Variants in SPATA22 observed in about 807,000 individuals in gnomAD.
The protein encoded by SPATA22 is spermatogenesis associated 22.
SPATA22 carries 29 observed loss-of-function variants against 47.8 expected under a neutral mutation model. The observed-to-expected ratio is 0.61, with a 90% CI of 0.45 to 0.83. The LOEUF is 0.83. Ranked by LOEUF, SPATA22 falls within the 40% of genes least tolerant of loss-of-function variation. The pLI is 0.00. For missense variants in SPATA22, 410 were observed against 421.7 expected (o/e 0.97, Z 0.24); for synonymous variants, 133 against 140.9 (o/e 0.94, Z 0.40).
In SPATA22 at chr17:3,457,957, G is replaced by A. The variant is rs2073034434; in HGVS notation, c.329+4526C>T. Among the ~76,000 whole-genome samples, 2 of 152,008 alleles carry A rather than the reference G, an allele frequency of 1.3e-5. 1 individual carries two copies. The highest frequency in any genetic ancestry group is 4.1e-4 in the South Asian group (2 of 4,820). On this transcript the variant is annotated intron_variant, in intron 5 of 8. Coordinates refer to ENST00000572969, the MANE Select transcript of SPATA22 (RefSeq NM_001170698.2). ...GACACCAAAAGCACAGTCAACAAAA[G>A]CAAAAGGAAATATTTGAGAACTACA...
At chr17:3,459,115 G>A (rs908983651) in intron 5 of SPATA22, among the ~76,000 whole-genome samples, 16 of 151,996 alleles carry the variant, frequency 1.1e-4, no homozygotes, top group African/African-American at 3.9e-4. Flanking sequence ...GTTACCAGGG[G>A]TGAAGAGGTG....
chr17:3,486,852 A>C (rs2073731396), intron 1 of SPATA22, among the ~76,000 whole-genome samples: 2 of 152,220 alleles, frequency 1.3e-5, no homozygotes, highest in South Asian at 4.1e-4. Flanking sequence ...TCCAAACCAA[A>C]AATTAATTTT....
At chr17:3,512,707 T>C (rs777383146) in intron 1 of SPATA22, 12 of 151,958 alleles carry the variant, frequency 7.9e-5, no homozygotes, top group Non-Finnish European at 1.8e-4. Context: ...TCCGTGTCAT[T>C]TCAGAAAGAG....
chr17:3,457,646 A>ATAGAG (rs60276192), intron 5 of SPATA22, among the ~76,000 whole-genome samples: 8,059 of 151,976 alleles, frequency 0.053, 684 homozygotes, highest in African/African-American at 0.18. Flanking sequence ...GATCAACAGA[A>ATAGAG]TAGAGAGCCC....
At chr17:3,460,633 GT>G (rs1002770755) in intron 5 of SPATA22, among the ~76,000 whole-genome samples, 1 of 151,212 alleles carries the variant, frequency 6.6e-6, no homozygotes, top group African/African-American at 2.4e-5. Flanking sequence ...TACTAAAAAT[GT>G]AAAAATAAGC....
At chr17:3,494,693 A>G (rs1597445999) in intron 1 of SPATA22, among the ~76,000 whole-genome samples, 1 of 152,202 alleles carries the variant, frequency 6.6e-6, no homozygotes, top group Non-Finnish European at 1.5e-5. Flanking sequence ...AATGGAATTT[A>G]TAGTGTAGGT....
At chr17:3,480,208 AG>A (rs1302968168) in intron 1 of SPATA22, among the ~76,000 whole-genome samples, 1 of 152,240 alleles carries the variant, frequency 6.6e-6, no homozygotes, top group Non-Finnish European at 1.5e-5. Context: ...CCACCCAGCA[AG>A]TTCTCCTCAT....
intron 1 of SPATA22, among the ~76,000 whole-genome samples, chr17:3,487,067 TGTGTGC>T (rs1260027867): frequency 7.0e-6 from 1 of 142,940 alleles, no homozygotes; most frequent in East Asian, 2.4e-4. Flanking sequence ...TTTATGTGTG[TGTGTGC>T]GTGTGTGTGT....
At chr17:3,460,951 T>A (rs989573190) in intron 5 of SPATA22, among the ~76,000 whole-genome samples, 1 of 152,198 alleles carries the variant, frequency 6.6e-6, no homozygotes, top group African/African-American at 2.4e-5. Context: ...TCATCCTTAC[T>A]AATCTTACTA....
intron 6 of SPATA22, among the ~76,000 whole-genome samples, chr17:3,448,011 T>C (rs2072766558): frequency 6.6e-6 from 1 of 152,150 alleles, no homozygotes; most frequent in African/African-American, 2.4e-5. Context: ...CCAGCACACA[T>C]AATATATAAA....
chr17:3,482,599 T>G (rs1342694429), intron 1 of SPATA22, among the ~76,000 whole-genome samples: 1 of 152,148 alleles, frequency 6.6e-6, no homozygotes, highest in Admixed American at 6.5e-5. Context: ...ATTGGTGTCA[T>G]AACAAACAAC....
chr17:3,508,988 T>A (rs575996621), intron 1 of SPATA22, among the ~76,000 whole-genome samples: 15 of 148,886 alleles, frequency 1.0e-4, no homozygotes, highest in Non-Finnish European at 3.0e-5. Context: ...GAACTGAATA[T>A]ACCTATGAAT....
At chr17:3,446,122 G>A (rs2072720660) in intron 7 of SPATA22, among the ~76,000 whole-genome samples, 1 of 152,050 alleles carries the variant, frequency 6.6e-6, no homozygotes, top group Non-Finnish European at 1.5e-5. Context: ...AGGGACCCTT[G>A]TGATTACATT....
At chr17:3,480,020 C>A (rs1233083090) in intron 1 of SPATA22, among the ~76,000 whole-genome samples, 1 of 144,650 alleles carries the variant, frequency 6.9e-6, no homozygotes, top group Non-Finnish European at 1.5e-5. Flanking sequence ...TCTGTACCTG[C>A]AAACTTGTGG....
chr17:3,491,123 T>C (rs2073817252), intron 1 of SPATA22, among the ~76,000 whole-genome samples: 3 of 152,192 alleles, frequency 2.0e-5, no homozygotes, highest in African/African-American at 7.2e-5. Context: ...GATAAAGACA[T>C]ATGCGACATG....
In SPATA22 at chr17:3,440,153, T is replaced by A; in HGVS notation, c.1086A>T (p.Glu362Asp). 1 of 1,546,426 alleles carries A rather than the reference T, an allele frequency of 6.5e-7. No individual in the cohort carries two copies. The highest frequency in any genetic ancestry group is 1.7e-4 in the Middle Eastern group (1 of 5,812). Residue 362 changes from glutamate to aspartate, a missense_variant, in exon 9 of 9, where the codon GAA becomes GAT. Coordinates refer to ENST00000572969, the MANE Select transcript of SPATA22 (RefSeq NM_001170698.2). Reference sequence around the variant, plus strand: ...AACTTCCTTTTATCACTACTTAAGTTTCATTCATCACATTAATATAATACT... The same window carrying A: ...AACTTCCTTTTATCACTACTTAAGTATCATTCATCACATTAATATAATACT... ...EMQYYINVMN[E>D]T
intron 5 of SPATA22, among the ~76,000 whole-genome samples, chr17:3,452,847 A>T (rs1355647159): frequency 6.6e-6 from 1 of 152,192 alleles, no homozygotes; most frequent in Non-Finnish European, 1.5e-5. Flanking sequence ...AGAGGCAGAA[A>T]GCCTAAACAG....
chr17:3,495,931 A>T (rs1312299779), intron 1 of SPATA22, among the ~76,000 whole-genome samples: 2 of 152,200 alleles, frequency 1.3e-5, no homozygotes, highest in Non-Finnish European at 2.9e-5. Flanking sequence ...ACTATTGGTG[A>T]CAAAAATATC....
chr17:3,497,827 A>G (rs1424601603), intron 1 of SPATA22, among the ~76,000 whole-genome samples: 1 of 152,178 alleles, frequency 6.6e-6, no homozygotes, highest in East Asian at 1.9e-4. Context: ...AATGTTAGAC[A>G]TGCAGAATCC....
Sources: gnomAD v4.1 joint callset for allele counts (sites outside exome capture counted in the v4.1 genomes callset) on GRCh38, gnomAD v4.1.1 for gene constraint, MANE v1.5 for transcripts, NCBI Gene and HGNC (gene_info 2026-07-23, HGNC 2026-07-21) for gene names.